Variants in ESCO1 observed in about 807,000 individuals in gnomAD.
ESCO1 encodes N-acetyltransferase ESCO1.
Under a neutral mutation model 83.5 loss-of-function variants are expected in ESCO1, and 33 were observed. The ratio of observed to expected loss-of-function variants is 0.40; its 90% CI spans 0.30 to 0.53. The LOEUF is 0.53. Among genes scored for constraint, ESCO1 ranks in the 20% least tolerant of loss-of-function variants. The probability of loss-of-function intolerance (pLI) is 0.63; values close to 1 mark genes in which losing one functional copy is unlikely to be tolerated. For missense variants in ESCO1, 855 were observed against 968.0 expected, an observed-to-expected ratio of 0.88 and a Z score of 1.55; for synonymous variants, 332 against 324.3, an observed-to-expected ratio of 1.02 and a Z score of -0.25.
intron 8 of ESCO1, among the ~76,000 whole-genome samples, chr18:21,557,203 A>T (rs1398836961): frequency 6.6e-6 from 1 of 152,234 alleles, no homozygotes; most frequent in Non-Finnish European, 1.5e-5. Flanking sequence ...ATTCTTCAAA[A>T]CTTAAAAGAA....
chr18:21,560,623 A>G (rs1369115615), intron 8 of ESCO1, among the ~76,000 whole-genome samples: 1 of 152,206 alleles, frequency 6.6e-6, no homozygotes, highest in African/African-American at 2.4e-5. Flanking sequence ...ACTACTTTAG[A>G]AAAGTAAAAT....
intron 8 of ESCO1, among the ~76,000 whole-genome samples, chr18:21,547,976 C>A (rs1400677600): frequency 1.3e-5 from 2 of 152,058 alleles, no homozygotes; most frequent in African/African-American, 4.8e-5. Flanking sequence ...GTGGAGAGTG[C>A]CTGTAGTCCC....
At chr18:21,596,595 G>C (rs569919025) in intron 1 of ESCO1, among the ~76,000 whole-genome samples, 1 of 152,232 alleles carries the variant, frequency 6.6e-6, no homozygotes, top group African/African-American at 2.4e-5. Context: ...CACTTTGGGA[G>C]GCCGAGGTAG....
chr18:21,576,293 C>T (rs750285327), intron 2 of ESCO1, among the ~76,000 whole-genome samples: 6 of 152,034 alleles, frequency 3.9e-5, no homozygotes, highest in Non-Finnish European at 7.4e-5. Context: ...AAGGTTAAAG[C>T]CAAGAGTTTG....
intron 1 of ESCO1, among the ~76,000 whole-genome samples, chr18:21,589,844 C>G (rs1450522108): frequency 8.9e-6 from 1 of 112,326 alleles, no homozygotes; most frequent in East Asian, 2.8e-4. Context: ...TTTTTTTCCT[C>G]TCTTTTTTTT....
rs1405611525 is a variant in ESCO1 at position 21,564,204 on chromosome 18, A to G, written c.1820T>C (p.Ile607Thr). ...AAAATGGTCAAGTTGTGTACTTACT[A>G]TAATCAACTGTTTTTCATCAGTTTT... ...AEKTDEKQLI[I>T]DAGQKRFGAV... Residue 607 changes from isoleucine (I) to threonine (T), a missense_variant and splice_region_variant, in exon 7 of 12, where the codon ATA becomes ACA. By Grantham distance (89) the Ile-to-Thr change is moderately conservative. Coordinates refer to ENST00000269214, the MANE Select transcript of ESCO1 (RefSeq NM_052911.3). The G allele has an allele frequency of 2.5e-6, 4 of 1,574,258 alleles. No individual in the cohort carries two copies. In the African/African-American group the frequency reaches 4.0e-5, roughly 16 times the overall value.
At chr18:21,569,356 T>C (rs1379266303) in intron 4 of ESCO1, among the ~76,000 whole-genome samples, 1 of 151,706 alleles carries the variant, frequency 6.6e-6, no homozygotes, top group East Asian at 1.9e-4. Flanking sequence ...CCAGAACTTT[T>C]GGGAGGCTGA....
chr18:21,561,355 A>T (rs2038183795), intron 7 of ESCO1, among the ~76,000 whole-genome samples: 1 of 152,150 alleles, frequency 6.6e-6, no homozygotes, highest in African/African-American at 2.4e-5. Context: ...AGTTTTTTTG[A>T]TACAGGGTCT....
At chr18:21,568,444 C>T (rs1038887672) in intron 4 of ESCO1, among the ~76,000 whole-genome samples, 1 of 152,218 alleles carries the variant, frequency 6.6e-6, no homozygotes, top group Admixed American at 6.5e-5. Flanking sequence ...ATCTCTTCCA[C>T]AGATATATTC....
chr18:21,579,795 C>CGCGT (rs1568109865), intron 2 of ESCO1, among the ~76,000 whole-genome samples: 1 of 10,564 alleles, frequency 9.5e-5, no homozygotes, highest in African/African-American at 1.3e-4. Flanking sequence ...CGCGCGCGCG[C>CGCGT]ACACACACAC....
At chr18:21,585,897 A>G (rs145432863) in intron 1 of ESCO1, among the ~76,000 whole-genome samples, 39 of 152,216 alleles carry the variant, frequency 2.6e-4, no homozygotes, top group African/African-American at 8.2e-4. Context: ...GCCCAGCCTA[A>G]AAGAATTTTT....
intron 8 of ESCO1, chr18:21,540,823 TG>T: frequency 2.4e-6 from 2 of 817,770 alleles, no homozygotes; most frequent in South Asian, 7.9e-5. Context: ...CTTAACTAGT[TG>T]TTCCAGTTGT....
chr18:21,540,544 C>T, intron 8 of ESCO1: 1 of 1,287,206 alleles, frequency 7.8e-7, no homozygotes, highest in African/African-American at 1.6e-5. Context: ...ACTACCAAAG[C>T]CACAAGAAGG....
chr18:21,567,729 T>C (rs1053198644), intron 5 of ESCO1, among the ~76,000 whole-genome samples: 2 of 152,142 alleles, frequency 1.3e-5, no homozygotes, highest in Non-Finnish European at 2.9e-5. Flanking sequence ...AAGTCACAAA[T>C]AAAAGTTGTT....
chr18:21,562,241 T>A (rs2038196638), intron 7 of ESCO1, among the ~76,000 whole-genome samples: 1 of 151,978 alleles, frequency 6.6e-6, no homozygotes, highest in Admixed American at 6.6e-5. Flanking sequence ...ACGCTTGTAA[T>A]CCCAGCACTC....
In ESCO1 at chr18:21,599,738, C is replaced by A. The variant is rs1398497749; in HGVS notation, c.-825+885G>T. On this transcript the variant is annotated intron_variant, in intron 1 of 11. Coordinates refer to ENST00000269214, the MANE Select transcript of ESCO1 (RefSeq NM_052911.3). Reference sequence around the variant, plus strand: ...TTCCTCCCTCCCCTGGTCCCCGCTGCGTCCCCATCGCCCCGGAAAATAAAG... The same window carrying A: ...TTCCTCCCTCCCCTGGTCCCCGCTGAGTCCCCATCGCCCCGGAAAATAAAG... 2.0e-5 allele frequency among the ~76,000 whole-genome samples: 3 copies of A among 152,132 alleles called. No individual in the cohort carries two copies. The East Asian group carries it at 5.8e-4, about 29-fold the overall frequency.
Position 21,532,463 on chromosome 18 carries a change from T to G in ESCO1, c.2375+10A>C, listed in dbSNP as rs199769624. The G allele has an allele frequency of 1.9e-6, 3 of 1,600,808 alleles. No homozygotes were observed. The highest frequency in any genetic ancestry group is 1.3e-5 in the African/African-American group (1 of 74,602). ...ACTAAAAATGATTTGAAGGATTACA[T>G]TCAAGTTACCTTAGGCATTCAATCA... On this transcript the variant is annotated intron_variant, in intron 11 of 11. Coordinates refer to ENST00000269214, the MANE Select transcript of ESCO1 (RefSeq NM_052911.3).
In ESCO1 at chr18:21,579,513, T is replaced by G. The variant is rs1229818715; in HGVS notation, c.-693-3736A>C. Among the ~76,000 whole-genome samples the G allele has an allele frequency of 4.6e-5, 7 of 151,756 alleles. No homozygotes were observed. In the East Asian group the frequency reaches 1.4e-3, roughly 30 times the overall value. ...GGGGCCAGGCACAGTGGCTCACGCC[T>G]GTAATCCCAGCACTTTGGGAGGCCA... On this transcript the variant is annotated intron_variant, in intron 2 of 11. Transcript: ENST00000269214.
chr18:21,574,937 G>A lies in ESCO1; in HGVS notation c.-94C>T, dbSNP rs2038400210. Reference sequence around the variant, plus strand: ...CTGACTAGCTAGTATTATTACTGAGGAGCAGGTCTGAAAAATCAACTTTAA... The same window carrying A: ...CTGACTAGCTAGTATTATTACTGAGAAGCAGGTCTGAAAAATCAACTTTAA... On this transcript the variant is annotated 5_prime_UTR_variant, in exon 4 of 12. Coordinates refer to ENST00000269214, the MANE Select transcript of ESCO1 (RefSeq NM_052911.3). 6.3e-6 allele frequency: 6 copies of A among 950,644 alleles called. No individual in the cohort carries two copies. Among genetic ancestry groups the A allele is most frequent in the Non-Finnish European group, 7.5e-6 (5 of 663,056 alleles). 58.9% of individuals were successfully genotyped at this position (950,644 alleles called of 1,614,324 possible).
Sources: gnomAD v4.1 joint callset for allele counts (sites outside exome capture counted in the v4.1 genomes callset) on GRCh38, gnomAD v4.1.1 for gene constraint, MANE v1.5 for transcripts, NCBI Gene and HGNC (gene_info 2026-07-23, HGNC 2026-07-21) for gene names.